The following SHLD2 variants were observed in gnomAD, a reference collection of about 807,000 sequenced individuals.
SHLD2 encodes RINN1-REV7-interacting novel NHEJ regulator 2.
Under a neutral mutation model 73.2 loss-of-function variants are expected in SHLD2, and 30 were observed. That is an observed-to-expected ratio of 0.41 (90% CI 0.31 to 0.56). The LOEUF (loss-of-function observed/expected upper bound fraction) is 0.56, where lower values mean the gene tolerates loss of function less well. SHLD2 is among the 20% of genes least tolerant of loss of function. The probability of loss-of-function intolerance (pLI) is 0.28; values close to 1 mark genes in which losing one functional copy is unlikely to be tolerated. For missense variants in SHLD2, 745 were observed against 1,055.9 expected (o/e 0.71, Z 4.08); for synonymous variants, 285 against 370.1 (o/e 0.77, Z 2.64).
intron 8 of SHLD2, among the ~76,000 whole-genome samples, chr10:87,181,603 A>T (rs1416027363): frequency 1.3e-5 from 2 of 150,980 alleles, no homozygotes; most frequent in African/African-American, 4.9e-5. Context: ...CAAGAGAAGG[A>T]CTTCACAGAT....
At chr10:87,150,652 CAG>C (rs1427546308) in intron 2 of SHLD2, among the ~76,000 whole-genome samples, 1 of 151,456 alleles carries the variant, frequency 6.6e-6, no homozygotes, top group African/African-American at 2.4e-5. Flanking sequence ...CCCAGCTAAT[CAG>C]GGGGCTGAAG....
In SHLD2 at chr10:87,136,687, ACTC is replaced by A. The variant is rs1236436320; in HGVS notation, c.-5-14660_-5-14658del. On this transcript the variant is annotated intron_variant, in intron 2 of 9. Coordinates refer to ENST00000298786, the MANE Select transcript of SHLD2 (RefSeq NM_001330112.2). ...ACTTCCTGCCCTTGCTTATCTAAAA[ACTC>A]CTGCTCCAATAGTGAGAAATCTGTC... 2.6e-5 allele frequency among the ~76,000 whole-genome samples: 4 copies of A among 151,014 alleles called. No homozygotes were observed. In the East Asian group the frequency reaches 7.8e-4, roughly 30 times the overall value.
chr10:87,150,897 G>T (rs1845961980), intron 2 of SHLD2, among the ~76,000 whole-genome samples: 1 of 151,080 alleles, frequency 6.6e-6, no homozygotes, highest in South Asian at 2.1e-4. Context: ...TGCAATCTAG[G>T]CTCACTGCAA....
chr10:87,146,370 T>C (rs1174789199), intron 2 of SHLD2, among the ~76,000 whole-genome samples: 2 of 152,092 alleles, frequency 1.3e-5, no homozygotes, highest in Admixed American at 6.5e-5. Context: ...CTTGGCTCAC[T>C]GCAACCTCCA....
chr10:87,157,932 T>C, intron 3 of SHLD2, 116 bp from the exon 4 acceptor site: 1 of 740,122 alleles, frequency 1.4e-6, no homozygotes, highest in Middle Eastern at 4.0e-4. Flanking sequence ...TTTAACCTAT[T>C]TGATCTCTAC....
At chr10:87,107,408 CCTT>C (rs1326366167) in intron 2 of SHLD2, among the ~76,000 whole-genome samples, 14 of 152,148 alleles carry the variant, frequency 9.2e-5, no homozygotes, top group Admixed American at 4.6e-4. Context: ...GAGGGAAACT[CCTT>C]CTCAAAAAAA....
chr10:87,176,162 C>G, intron 7 of SHLD2, 67 bp downstream of exon 7: 1 of 1,541,976 alleles, frequency 6.5e-7, no homozygotes, highest in South Asian at 1.2e-5. Context: ...TGCTCTGTTG[C>G]TCAGGCTGGA....
chr10:87,173,067 T>TTAGGAGAGA (rs1564611515), intron 6 of SHLD2, among the ~76,000 whole-genome samples: 2 of 151,760 alleles, frequency 1.3e-5, no homozygotes, highest in African/African-American at 4.9e-5. Flanking sequence ...AGACAGAGTT[T>TTAGGAGAGA]CATTCTTGTC....
intron 2 of SHLD2, among the ~76,000 whole-genome samples, chr10:87,105,009 A>C (rs1294266952): frequency 1.3e-5 from 2 of 152,158 alleles, no homozygotes; most frequent in Non-Finnish European, 2.9e-5. Context: ...GCCTCTCTTA[A>C]TCTTTATTTT....
chr10:87,124,429 G>A (rs1843840265), intron 2 of SHLD2, among the ~76,000 whole-genome samples: 1 of 152,080 alleles, frequency 6.6e-6, no homozygotes, highest in African/African-American at 2.4e-5. Flanking sequence ...CCAACTACTT[G>A]GGATGCTGAG....
chr10:87,181,152 G>C (rs981763107), intron 8 of SHLD2, among the ~76,000 whole-genome samples: 42 of 151,710 alleles, frequency 2.8e-4, no homozygotes, highest in East Asian at 7.8e-4. Flanking sequence ...AGGCCGGGGT[G>C]GGGGGATCGC....
At chr10:87,136,245 C>T (rs2134189809) in intron 2 of SHLD2, among the ~76,000 whole-genome samples, 1 of 152,206 alleles carries the variant, frequency 6.6e-6, no homozygotes, top group East Asian at 1.9e-4. Context: ...TGATATACCA[C>T]TGTCAGTGTA....
chr10:87,111,553 A>G (rs1169402338), intron 2 of SHLD2, among the ~76,000 whole-genome samples: 1 of 150,532 alleles, frequency 6.6e-6, no homozygotes, highest in Non-Finnish European at 1.5e-5. Context: ...AGGCACGAGA[A>G]TCTCTTGAGT....
At chr10:87,128,040 C>T (rs12773582) in intron 2 of SHLD2, among the ~76,000 whole-genome samples, 24,444 of 152,056 alleles carry the variant, frequency 0.16, 2,074 homozygotes, top group African/African-American at 0.19. Flanking sequence ...TACCTTATTT[C>T]CCATATTCCA....
intron 2 of SHLD2, among the ~76,000 whole-genome samples, chr10:87,103,844 G>C (rs922309081): frequency 6.6e-6 from 1 of 152,154 alleles, no homozygotes; most frequent in Admixed American, 6.5e-5. Flanking sequence ...ATCAACTCTT[G>C]GTTAAGGGTT....
intron 2 of SHLD2, among the ~76,000 whole-genome samples, chr10:87,107,464 A>G (rs539387101): frequency 6.6e-6 from 1 of 152,234 alleles, no homozygotes; most frequent in South Asian, 2.1e-4. Context: ...GCTATGGGAT[A>G]ATGGGGAATA....
At chr10:87,188,587 CT>C (rs1442150968) in intron 9 of SHLD2, among the ~76,000 whole-genome samples, 1 of 152,142 alleles carries the variant, frequency 6.6e-6, no homozygotes, top group Non-Finnish European at 1.5e-5. Flanking sequence ...GCAGATGTTC[CT>C]TATGTTGCTG....
At chr10:87,172,717 A>G (rs1847673729) in intron 6 of SHLD2, among the ~76,000 whole-genome samples, 1 of 151,924 alleles carries the variant, frequency 6.6e-6, no homozygotes, top group East Asian at 1.9e-4. Flanking sequence ...ATATGTTATC[A>G]TATAATAAAT....
intron 2 of SHLD2, among the ~76,000 whole-genome samples, chr10:87,107,548 G>GAAATTAA (rs1842680462): frequency 1.3e-5 from 2 of 152,212 alleles, no homozygotes; most frequent in Admixed American, 6.5e-5. Context: ...AGGCTGAGTT[G>GAAATTAA]AAGCAACCTA....
Sources: allele counts gnomAD v4.1 joint callset (sites outside exome capture counted in the v4.1 genomes callset), GRCh38; gene constraint gnomAD v4.1.1; transcripts MANE v1.5; gene names NCBI Gene and HGNC (gene_info 2026-07-23, HGNC 2026-07-21).